The following MAGI3 variants were observed in gnomAD, a reference collection of about 807,000 sequenced individuals.
MAGI3 encodes the protein membrane-associated guanylate kinase, WW and PDZ domain-containing protein 3.
MAGI3 carries 43 observed loss-of-function variants against 121.8 expected under a neutral mutation model. The observed-to-expected ratio is 0.35, with a 90% CI of 0.28 to 0.46. MAGI3 has a LOEUF of 0.46. Ranked by LOEUF, MAGI3 falls within the 20% of genes least tolerant of loss-of-function variation. The probability of loss-of-function intolerance (pLI) is 1.00; values close to 1 mark genes in which losing one functional copy is unlikely to be tolerated. For synonymous variants in MAGI3, 553 were observed against 639.3 expected (o/e 0.86, Z 2.04); for missense variants, 1,547 against 1,797.3 (o/e 0.86, Z 2.52).
At chr1:113,404,701 T>C (rs1557737487) in intron 1 of MAGI3, among the ~76,000 whole-genome samples, 1 of 152,008 alleles carries the variant, frequency 6.6e-6, no homozygotes, top group Admixed American at 6.6e-5. Context: ...TGAGAAACCA[T>C]GTACAAACTA....
intron 9 of MAGI3, among the ~76,000 whole-genome samples, chr1:113,636,418 G>A (rs2101812115): frequency 6.6e-6 from 1 of 152,284 alleles, no homozygotes; most frequent in South Asian, 2.1e-4. Flanking sequence ...AGAGATTCTG[G>A]TATGTTGTGT....
chr1:113,495,372 T>TA (rs397779595), intron 1 of MAGI3, among the ~76,000 whole-genome samples: 28 of 151,284 alleles, frequency 1.9e-4, no homozygotes, highest in African/African-American at 6.1e-4. Flanking sequence ...TTTTTTTTTT[T>TA]AATTTCAGTA....
intron 1 of MAGI3, among the ~76,000 whole-genome samples, chr1:113,416,522 G>A (rs1021340885): frequency 7.1e-4 from 7 of 9,800 alleles, no homozygotes; most frequent in African/African-American, 2.6e-3. Context: ...GATTAATCTG[G>A]CACTGATGTG....
chr1:113,625,137 AGTTGT>A (rs1425475626), intron 9 of MAGI3, among the ~76,000 whole-genome samples: 1 of 152,098 alleles, frequency 6.6e-6, no homozygotes, highest in Non-Finnish European at 1.5e-5. Flanking sequence ...TGATTCCTCC[AGTTGT>A]GTTCTTTTTC....
intron 7 of MAGI3, among the ~76,000 whole-genome samples, chr1:113,616,709 T>A (rs933900919): frequency 6.6e-6 from 1 of 152,178 alleles, no homozygotes; most frequent in Admixed American, 6.5e-5. Context: ...GCGGTCTTGA[T>A]TATATTGCAT....
intron 16 of MAGI3, among the ~76,000 whole-genome samples, chr1:113,670,630 TTGA>T (rs536306459): frequency 1.9e-4 from 29 of 152,168 alleles, no homozygotes; most frequent in African/African-American, 3.4e-4. Flanking sequence ...AGATATCATT[TTGA>T]TGATGATGAT....
chr1:113,468,661 A>T (rs1655405157), intron 1 of MAGI3, among the ~76,000 whole-genome samples: 1 of 152,174 alleles, frequency 6.6e-6, no homozygotes, highest in Admixed American at 6.5e-5. Context: ...AATTTCAAAG[A>T]TATAAAAAAG....
chr1:113,497,254 G>C (rs1350236598), intron 1 of MAGI3, among the ~76,000 whole-genome samples: 2 of 105,930 alleles, frequency 1.9e-5, no homozygotes, highest in Non-Finnish European at 4.1e-5. Context: ...AGCTCCCAGC[G>C]TGAGCGACGC....
intron 1 of MAGI3, among the ~76,000 whole-genome samples, chr1:113,448,906 G>C (rs1654315438): frequency 6.6e-6 from 1 of 152,136 alleles, no homozygotes; most frequent in South Asian, 2.1e-4. Flanking sequence ...ATCACCTGAG[G>C]TCGGGAGTTC....
At chr1:113,640,783 T>C (rs1273874661) in intron 9 of MAGI3, among the ~76,000 whole-genome samples, 4 of 151,016 alleles carry the variant, frequency 2.6e-5, no homozygotes, top group African/African-American at 7.3e-5. Context: ...CATGTGGGGC[T>C]TAAAACCTAG....
chr1:113,649,466 T>A (rs745931970), intron 13 of MAGI3, 138 bp downstream of exon 13: 2 of 574,628 alleles, frequency 3.5e-6, no homozygotes, highest in Non-Finnish European at 6.1e-6. Context: ...TTTCCATTAT[T>A]ATCATAGTCC....
At chr1:113,596,778 A>G (rs958338774) in intron 6 of MAGI3, among the ~76,000 whole-genome samples, 1 of 147,834 alleles carries the variant, frequency 6.8e-6, no homozygotes, top group Non-Finnish European at 1.5e-5. Context: ...CTACTACTTT[A>G]CACCCACTAG....
chr1:113,562,157 G>A (rs1660265499), intron 2 of MAGI3, among the ~76,000 whole-genome samples: 1 of 152,350 alleles, frequency 6.6e-6, no homozygotes, highest in Admixed American at 6.5e-5. Flanking sequence ...TGTAATCCCA[G>A]CACTTTGGGA....
chr1:113,520,347 G>T (rs186833397), intron 1 of MAGI3, among the ~76,000 whole-genome samples: 131 of 151,926 alleles, frequency 8.6e-4, no homozygotes, highest in African/African-American at 3.0e-3. Context: ...AGATACTAGG[G>T]ACATAGAAAT....
chr1:113,423,448 T>G (rs1213662088), intron 1 of MAGI3, among the ~76,000 whole-genome samples: 1 of 152,078 alleles, frequency 6.6e-6, no homozygotes, highest in Non-Finnish European at 1.5e-5. Context: ...ATTTTTTGTA[T>G]TTTTAGTAGA....
chr1:113,590,239 ATTG>A (rs1163565608), intron 4 of MAGI3, among the ~76,000 whole-genome samples: 3 of 152,044 alleles, frequency 2.0e-5, no homozygotes, highest in South Asian at 2.1e-4. Flanking sequence ...AATTAATTCT[ATTG>A]TTGTTTTTTG....
In MAGI3 at chr1:113,642,048, A is replaced by T. The variant is rs779520571; in HGVS notation, c.1498A>T (p.Ser500Cys). The change falls in exon 10 of 21, where the codon AGT becomes TGT. Residue 500 changes from serine (S) to cysteine (C), a missense_variant. Coordinates refer to ENST00000307546, the MANE Select transcript of MAGI3 (RefSeq NM_001142782.2). ...TCGTGGTTATCCACTTCCTGATGACAGTGAAGATCCTGTTGTGGACATTGT... is the reference window on the plus strand; with the variant it reads ...TCGTGGTTATCCACTTCCTGATGACTGTGAAGATCCTGTTGTGGACATTGT... ...LCRGYPLPDD[S>C]EDPVVDIVAA... The T allele has an allele frequency of 6.2e-7, 1 of 1,614,152 alleles. No individual in the cohort carries two copies. Among genetic ancestry groups the T allele is most frequent in the South Asian group, 1.1e-5 (1 of 91,080 alleles).
intron 1 of MAGI3, among the ~76,000 whole-genome samples, chr1:113,476,487 G>C (rs1655826980): frequency 6.6e-6 from 1 of 152,186 alleles, no homozygotes; most frequent in African/African-American, 2.4e-5. Flanking sequence ...TTACCCAGTA[G>C]TCATTCAGGA....
At chr1:113,510,631 G>A (rs574365283) in intron 1 of MAGI3, among the ~76,000 whole-genome samples, 16 of 152,116 alleles carry the variant, frequency 1.1e-4, no homozygotes, top group African/African-American at 3.9e-4. Flanking sequence ...GCAAAATCTT[G>A]GTCATATGAC....
Sources: gnomAD v4.1 joint callset for allele counts (sites outside exome capture counted in the v4.1 genomes callset) on GRCh38, gnomAD v4.1.1 for gene constraint, MANE v1.5 for transcripts, NCBI Gene and HGNC (gene_info 2026-07-23, HGNC 2026-07-21) for gene names.